Variants in LYPD6 observed in about 807,000 individuals in gnomAD.
The protein encoded by LYPD6 is ly6/PLAUR domain-containing protein 6.
Under a neutral mutation model 22.7 loss-of-function variants are expected in LYPD6, and 15 were observed. The ratio of observed to expected loss-of-function variants is 0.66; its 90% CI spans 0.44 to 1.02. LYPD6 has a LOEUF of 1.02. Among genes scored for constraint, LYPD6 ranks in the 50% least tolerant of loss-of-function variants. The pLI, the probability that LYPD6 is intolerant of heterozygous loss-of-function variation, is 0.00. For synonymous variants in LYPD6, 72 were observed against 77.5 expected (o/e 0.93, Z 0.37); for missense variants, 189 against 208.4 (o/e 0.91, Z 0.57).
At chr2:149,434,967 C>T (rs1268538904) in intron 1 of LYPD6, among the ~76,000 whole-genome samples, 1 of 152,182 alleles carries the variant, frequency 6.6e-6, no homozygotes, top group Admixed American at 6.5e-5. Flanking sequence ...TGTGTGCCCC[C>T]AAAATTCATA....
chr2:149,379,445 A>G (rs936798190), intron 1 of LYPD6, among the ~76,000 whole-genome samples: 1 of 152,260 alleles, frequency 6.6e-6, no homozygotes, highest in African/African-American at 2.4e-5. Flanking sequence ...TTACCAAAGG[A>G]TGCTCAATTC....
intron 1 of LYPD6, among the ~76,000 whole-genome samples, chr2:149,380,036 A>C (rs1249642035): frequency 6.6e-6 from 1 of 151,372 alleles, no homozygotes; most frequent in Non-Finnish European, 1.5e-5. Context: ...ACCTTGAATA[A>C]AAACTAGATG....
At chr2:149,370,901 G>C (rs190207923) in intron 1 of LYPD6, among the ~76,000 whole-genome samples, 1 of 152,108 alleles carries the variant, frequency 6.6e-6, no homozygotes, top group Non-Finnish European at 1.5e-5. Flanking sequence ...TCGAAGTTAC[G>C]TAAGTGAGCT....
At chr2:149,334,772 T>TC (rs1681003470) in intron 1 of LYPD6, among the ~76,000 whole-genome samples, 3 of 149,464 alleles carry the variant, frequency 2.0e-5, no homozygotes, top group African/African-American at 7.4e-5. Flanking sequence ...TTTTTTTTTT[T>TC]CTGAAGAAGG....
intron 1 of LYPD6, among the ~76,000 whole-genome samples, chr2:149,358,710 C>G (rs1681514796): frequency 6.6e-6 from 1 of 151,772 alleles, no homozygotes. Flanking sequence ...GAATTTTATT[C>G]TAGATATTAG....
At chr2:149,384,742 A>T (rs1444785090) in intron 1 of LYPD6, among the ~76,000 whole-genome samples, 1 of 151,794 alleles carries the variant, frequency 6.6e-6, no homozygotes, top group African/African-American at 2.4e-5. Flanking sequence ...TTTTATTATT[A>T]TTATACTTTA....
At chr2:149,338,731 G>A (rs1173454808) in intron 1 of LYPD6, among the ~76,000 whole-genome samples, 1 of 152,168 alleles carries the variant, frequency 6.6e-6, no homozygotes, top group East Asian at 1.9e-4. Flanking sequence ...TATTATAGCA[G>A]CCTGATGGAC....
chr2:149,353,818 A>G (rs1476605480), intron 1 of LYPD6, among the ~76,000 whole-genome samples: 1 of 151,838 alleles, frequency 6.6e-6, no homozygotes, highest in Non-Finnish European at 1.5e-5. Context: ...CTTTTCTCTG[A>G]CTCTCCAGCT....
intron 2 of LYPD6, among the ~76,000 whole-genome samples, 192 bp downstream of exon 2, chr2:149,438,018 A>G (rs555241582): frequency 6.6e-6 from 1 of 152,266 alleles, no homozygotes; most frequent in South Asian, 2.1e-4. Context: ...TGGTGGTGTT[A>G]AGGCAAATTA....
chr2:149,419,844 G>C (rs896640857), intron 1 of LYPD6, among the ~76,000 whole-genome samples: 2 of 152,136 alleles, frequency 1.3e-5, no homozygotes, highest in African/African-American at 4.8e-5. Flanking sequence ...GTGTGTGTGT[G>C]TGTGTGTCTG....
At chr2:149,422,254 G>A (rs1323496665) in intron 1 of LYPD6, among the ~76,000 whole-genome samples, 1 of 152,128 alleles carries the variant, frequency 6.6e-6, no homozygotes, top group Non-Finnish European at 1.5e-5. Flanking sequence ...TCCCTATTTT[G>A]CAATTGAGGA....
intron 1 of LYPD6, among the ~76,000 whole-genome samples, chr2:149,434,626 G>A (rs778030136): frequency 1.3e-5 from 2 of 152,100 alleles, no homozygotes; most frequent in Admixed American, 1.3e-4. Context: ...ATGAGTTGAC[G>A]AAGAAAGGGA....
chr2:149,377,141 G>A (rs536068530), intron 1 of LYPD6, among the ~76,000 whole-genome samples: 4 of 152,022 alleles, frequency 2.6e-5, no homozygotes, highest in Non-Finnish European at 5.9e-5. Flanking sequence ...AACAACAAAT[G>A]ACTTTGAATA....
intron 3 of LYPD6, among the ~76,000 whole-genome samples, chr2:149,465,337 G>A (rs966898572): frequency 2.0e-5 from 3 of 152,166 alleles, no homozygotes; most frequent in Admixed American, 6.5e-5. Context: ...TGTTGCAGGG[G>A]AGTAGTGTGG....
chr2:149,375,058 T>C (rs1005537642), intron 1 of LYPD6, among the ~76,000 whole-genome samples: 26 of 152,174 alleles, frequency 1.7e-4, no homozygotes, highest in Admixed American at 1.3e-4. Flanking sequence ...TTGGGGGTTG[T>C]CCATGATTCA....
intron 1 of LYPD6, among the ~76,000 whole-genome samples, chr2:149,364,526 A>G (rs1389583013): frequency 1.3e-5 from 2 of 149,408 alleles, no homozygotes; most frequent in Non-Finnish European, 3.0e-5. Flanking sequence ...CGCCCATGAC[A>G]TGGATTTACA....
chr2:149,348,295 G>A (rs1681297214), intron 1 of LYPD6, among the ~76,000 whole-genome samples: 2 of 152,258 alleles, frequency 1.3e-5, no homozygotes, highest in African/African-American at 2.4e-5. Context: ...CAGGAATAGA[G>A]GCAGAAAATA....
chr2:149,443,516 T>C (rs1683613929), intron 2 of LYPD6, among the ~76,000 whole-genome samples: 1 of 152,214 alleles, frequency 6.6e-6, no homozygotes, highest in Non-Finnish European at 1.5e-5. Flanking sequence ...CCAAAATGTC[T>C]ACTTTGATCA....
intron 3 of LYPD6, among the ~76,000 whole-genome samples, chr2:149,451,761 G>C (rs1380868894): frequency 2.6e-5 from 4 of 152,084 alleles, no homozygotes; most frequent in Non-Finnish European, 5.9e-5. Flanking sequence ...TCAATTTAAA[G>C]GGATAAATAG....
Sources: gnomAD v4.1 joint callset for allele counts (sites outside exome capture counted in the v4.1 genomes callset) on GRCh38, gnomAD v4.1.1 for gene constraint, MANE v1.5 for transcripts, NCBI Gene and HGNC (gene_info 2026-07-23, HGNC 2026-07-21) for gene names.